The following GOLGA4 variants were observed in gnomAD, a reference collection of about 807,000 sequenced individuals.
The protein encoded by GOLGA4 is golgin subfamily A member 4.
GOLGA4 carries 169 observed loss-of-function variants against 265.9 expected under a neutral mutation model. The observed-to-expected ratio is 0.64, with a 90% CI of 0.56 to 0.72. GOLGA4 has a LOEUF of 0.72. Among genes scored for constraint, GOLGA4 ranks in the 30% least tolerant of loss-of-function variants. GOLGA4 has a pLI of 0.00. For synonymous variants in GOLGA4, 923 were observed against 855.8 expected (o/e 1.08, Z -1.37); for missense variants, 2,482 against 2,483.4 (o/e 1.00, Z 0.01).
At chr3:37,290,314 C>T (rs1173167073) in intron 5 of GOLGA4, among the ~76,000 whole-genome samples, 1 of 152,004 alleles carries the variant, frequency 6.6e-6, no homozygotes, top group East Asian at 1.9e-4. Context: ...CAGACTATTG[C>T]GTGAATTAAC....
chr3:37,343,581 A>T (rs773942725), intron 20 of GOLGA4, among the ~76,000 whole-genome samples: 4 of 152,132 alleles, frequency 2.6e-5, no homozygotes, highest in Non-Finnish European at 5.9e-5. Flanking sequence ...TTGATAAATT[A>T]CTTAAGTCTC....
chr3:37,244,357 T>C (rs1560258882), intron 1 of GOLGA4, among the ~76,000 whole-genome samples: 1 of 151,892 alleles, frequency 6.6e-6, no homozygotes, highest in Non-Finnish European at 1.5e-5. Flanking sequence ...GCGGACAGGG[T>C]TATGCTTGTT....
intron 13 of GOLGA4, 131 bp from the exon 14 acceptor site, chr3:37,323,457 A>T (rs1031508578): frequency 1.6e-6 from 1 of 618,934 alleles, no homozygotes; most frequent in South Asian, 2.5e-5. Context: ...TTGAGCATAG[A>T]TTCTTTGTCT....
At chr3:37,270,725 T>G (rs2096796371) in intron 2 of GOLGA4, among the ~76,000 whole-genome samples, 1 of 152,182 alleles carries the variant, frequency 6.6e-6, no homozygotes, top group African/African-American at 2.4e-5. Flanking sequence ...TTTTATGCAA[T>G]TGTCCCCAAC....
chr3:37,278,784 C>T (rs550707733), intron 2 of GOLGA4, among the ~76,000 whole-genome samples: 2 of 149,674 alleles, frequency 1.3e-5, no homozygotes, highest in African/African-American at 4.9e-5. Context: ...ATTCTCATAA[C>T]AAAAAGATGC....
intron 21 of GOLGA4, among the ~76,000 whole-genome samples, chr3:37,348,214 G>A (rs1432264958): frequency 6.6e-6 from 1 of 151,966 alleles, no homozygotes; most frequent in Non-Finnish European, 1.5e-5. Flanking sequence ...TATTATAAAA[G>A]GAAATATCTT....
chr3:37,359,486 G>A (rs1223385820), intron 22 of GOLGA4, among the ~76,000 whole-genome samples: 6 of 152,042 alleles, frequency 3.9e-5, no homozygotes, highest in Non-Finnish European at 4.4e-5. Flanking sequence ...TGACATAAAT[G>A]GACATCACTG....
intron 19 of GOLGA4, 109 bp downstream of exon 19, chr3:37,337,843 C>A (rs768466437): frequency 1.1e-5 from 7 of 665,232 alleles, no homozygotes; most frequent in African/African-American, 1.8e-5. Context: ...AGTCTTACAC[C>A]CAGGAAATTT....
chr3:37,308,062 A>C (rs1271628028), intron 10 of GOLGA4, among the ~76,000 whole-genome samples: 1 of 152,018 alleles, frequency 6.6e-6, no homozygotes, highest in Non-Finnish European at 1.5e-5. Context: ...GGTAAACCCC[A>C]TCTCTACTAA....
intron 1 of GOLGA4, 22 bp from the exon 2 acceptor site, chr3:37,251,373 G>A: frequency 6.7e-7 from 1 of 1,484,486 alleles, no homozygotes; most frequent in Non-Finnish European, 9.4e-7. Context: ...TTGCTAATTT[G>A]TGCAATAATT....
At chr3:37,277,256 A>C (rs1318845480) in intron 2 of GOLGA4, among the ~76,000 whole-genome samples, 3 of 152,176 alleles carry the variant, frequency 2.0e-5, no homozygotes, top group African/African-American at 7.2e-5. Flanking sequence ...TTTGGAAACA[A>C]GACTTTATTG....
At chr3:37,284,219 A>G (rs1216046528) in intron 3 of GOLGA4, among the ~76,000 whole-genome samples, 4 of 152,134 alleles carry the variant, frequency 2.6e-5, no homozygotes, top group Non-Finnish European at 4.4e-5. Context: ...GTTCAGGGAT[A>G]CATGTTCAGG....
At chr3:37,268,245 C>T (rs13314810) in intron 2 of GOLGA4, among the ~76,000 whole-genome samples, 2,262 of 152,126 alleles carry the variant, frequency 0.015, 51 homozygotes, top group African/African-American at 0.052. Flanking sequence ...CCATGCCCAG[C>T]TCATCTTATT....
At chr3:37,345,417 AT>A (rs1262668047) in intron 20 of GOLGA4, among the ~76,000 whole-genome samples, 1 of 152,162 alleles carries the variant, frequency 6.6e-6, no homozygotes. Context: ...TGTCAAGTGG[AT>A]TTTTCAGTTA....
Position 37,251,595 on chromosome 3 carries a change from G to A in GOLGA4, c.162+111G>A, listed in dbSNP as rs1468752894. 2.4e-5 allele frequency: 15 copies of A among 627,902 alleles called. No individual in the cohort carries two copies. The African/African-American group carries it at 2.5e-4, about 10-fold the overall frequency. 38.9% of individuals were successfully genotyped at this position (627,902 alleles called of 1,614,324 possible). ...TGACAGGTCAGCTATTTAATTCCTA[G>A]GTAGAGTTTTTATTAGTAACACAAT... On this transcript the variant is annotated intron_variant, in intron 2 of 23. Transcript: ENST00000361924.
At chr3:37,337,542 G>T (rs1464938245) in intron 18 of GOLGA4, 124 bp from the exon 19 acceptor site, 1 of 671,574 alleles carries the variant, frequency 1.5e-6, no homozygotes. Context: ...ATGCATTTTA[G>T]GGGTATTCAG....
intron 11 of GOLGA4, among the ~76,000 whole-genome samples, chr3:37,316,919 GTTTTTTC>G (rs1457091173): frequency 1.3e-5 from 2 of 151,008 alleles, no homozygotes; most frequent in African/African-American, 4.9e-5. Flanking sequence ...TAAAAATTCA[GTTTTTTC>G]TTTTTTTAAA....
At chr3:37,305,827 A>G (rs1035333720) in intron 10 of GOLGA4, among the ~76,000 whole-genome samples, 1 of 152,208 alleles carries the variant, frequency 6.6e-6, no homozygotes, top group African/African-American at 2.4e-5. Context: ...CTTGATGTGA[A>G]TATTAGTAGA....
intron 2 of GOLGA4, chr3:37,266,857 A>G (rs1348255042): frequency 5.5e-6 from 7 of 1,283,504 alleles, no homozygotes; most frequent in Non-Finnish European, 7.1e-6. Flanking sequence ...AGCCGGGATG[A>G]TAGCAGAGCC....
Sources: allele counts gnomAD v4.1 joint callset (sites outside exome capture counted in the v4.1 genomes callset), GRCh38; gene constraint gnomAD v4.1.1; transcripts MANE v1.5; gene names NCBI Gene and HGNC (gene_info 2026-07-23, HGNC 2026-07-21).